The following TP53I13 variants were observed in gnomAD, a reference collection of about 807,000 sequenced individuals.
TP53I13 encodes tumor protein p53 inducible protein 13.
In TP53I13, 27 loss-of-function variants were observed where a neutral mutation model predicts 39.1. That is an observed-to-expected ratio of 0.69 (90% confidence interval 0.51 to 0.95). TP53I13 has a LOEUF of 0.95. Ranked by LOEUF, TP53I13 falls within the 40% of genes least tolerant of loss-of-function variation. The pLI, the probability that TP53I13 is intolerant of heterozygous loss-of-function variation, is 0.00. For missense variants in TP53I13, 544 were observed against 520.4 expected (o/e 1.05, Z -0.44); for synonymous variants, 230 against 224.6 (o/e 1.02, Z -0.22).
At chr17:29,580,057 A>G in the TP53I13 span, among the ~76,000 whole-genome samples, 1 of 151,478 alleles carries the variant, frequency 6.6e-6, no homozygotes, top group Non-Finnish European at 1.5e-5. Flanking sequence ...CAGCATTTCT[A>G]CCCTCCATGC....
chr17:29,566,652 G>C, upstream of TP53I13: 1 of 1,604,262 alleles, frequency 6.2e-7, no homozygotes, highest in Non-Finnish European at 8.5e-7. Context: ...GGGTCTGCAG[G>C]TGGGGCCCGG....
intron 3 of TP53I13, chr17:29,571,320 G>T: frequency 2.1e-6 from 1 of 469,490 alleles, no homozygotes; most frequent in Non-Finnish European, 3.9e-6. Flanking sequence ...AATATGGCTA[G>T]AGTGTGGTCT....
At chr17:29,574,859 T>A (rs375882746), downstream of TP53I13, 1 of 1,596,732 alleles carries the variant, frequency 6.3e-7, no homozygotes, top group African/African-American at 1.3e-5. Context: ...CTGCAGCCGG[T>A]AGGCGCTGGC....
chr17:29,580,578 CA>C, the TP53I13 span, among the ~76,000 whole-genome samples: 7 of 152,192 alleles, frequency 4.6e-5, no homozygotes, highest in Admixed American at 4.6e-4. Context: ...ACACCTCATT[CA>C]ACCAGCCTCA....
At position 29,572,670 on chromosome 17, in the gene TP53I13, A is replaced by C. The variant is rs767176794; in HGVS notation, c.1042A>C (p.Thr348Pro). ...RRGESIYWGPTADSQDTVAAV... is the reference protein window; with the variant it reads ...RRGESIYWGPPADSQDTVAAV... ...CGGGGAGAGCATCTACTGGGGGCCC[A>C]CAGCGGACAGCCAGGACACAGTGGC... Residue 348 changes from threonine to proline, a missense_variant, in exon 6 of 7, where the codon ACA (threonine) becomes CCA (proline). Transcript: ENST00000301057. The C allele has an allele frequency of 1.3e-6, 2 of 1,574,196 alleles. No homozygotes were observed. Among genetic ancestry groups the C allele is most frequent in the Admixed American group, 1.8e-5 (1 of 54,776 alleles).
Position 29,572,195 on chromosome 17 carries a change from G to A in TP53I13, c.567G>A (p.Val189=), listed in dbSNP as rs1598555189. Residue 189 remains valine (V), a synonymous_variant, in exon 6 of 7, where the codon GTG becomes GTA. Coordinates refer to ENST00000301057, the MANE Select transcript of TP53I13 (RefSeq NM_138349.4). ...LRSWRPPGTE[V]TSQGPRQPSS... ...GCTGGCGGCCCCCTGGCACAGAGGT[G>A]ACATCTCAAGGGCCCAGGCAGCCCT... is the stretch of plus-strand genomic sequence containing the variant. 1 of 1,611,268 alleles carries A rather than the reference G, an allele frequency of 6.2e-7. No homozygotes were observed. Among genetic ancestry groups the A allele is most frequent in the African/African-American group, 1.3e-5 (1 of 75,038 alleles).
At position 29,572,538 on chromosome 17, in the gene TP53I13, A is replaced by G; in HGVS notation, c.910A>G (p.Thr304Ala). ...GCCTCCACGGGCAGCCCGGGGCCCC[A>G]CCCCACGCACTGAAGAGGCCGCCTG... is the stretch of plus-strand genomic sequence containing the variant. ...AAPPRAARGPTPRTEEAAWAA... is the reference protein window; with the variant it reads ...AAPPRAARGPAPRTEEAAWAA... The change falls in exon 6 of 7, where the codon ACC becomes GCC. Residue 304 changes from threonine to alanine, a missense_variant. By Grantham distance (58) the Thr-to-Ala change is moderately conservative. Coordinates refer to ENST00000301057, the MANE Select transcript of TP53I13 (RefSeq NM_138349.4). The G allele has an allele frequency of 6.2e-7, 1 of 1,603,034 alleles. No homozygotes were observed. The highest frequency in any genetic ancestry group is 8.5e-7 in the Non-Finnish European group (1 of 1,176,114).
Position 29,572,427 on chromosome 17 carries a change from A to G in TP53I13, c.799A>G (p.Thr267Ala). 1 of 1,585,584 alleles carries G rather than the reference A, an allele frequency of 6.3e-7. No individual in the cohort carries two copies. The highest frequency in any genetic ancestry group is 1.1e-5 in the South Asian group (1 of 88,044). ...GAPGGNASSR[T>A]EAQVPNGQGS... The stretch of plus-strand genomic sequence containing the variant: ...GCCTGGAGGCAATGCCAGCTCCAGG[A>G]CAGAGGCTCAGGTGCCCAACGGGCA... The change falls in exon 6 of 7, where the codon ACA (threonine) becomes GCA (alanine). Residue 267 changes from threonine (T) to alanine (A), a missense_variant. Physicochemically the swap from Thr to Ala is moderately conservative, Grantham distance 58 (BLOSUM62 0). Transcript: ENST00000301057.
chr17:29,582,215 C>T, the TP53I13 span: 1 of 1,175,222 alleles, frequency 8.5e-7, no homozygotes, highest in Non-Finnish European at 1.2e-6. Context: ...AAGCTGCACC[C>T]TGGCTGCCCC....
chr17:29,572,520 C>G lies in TP53I13; in HGVS notation c.892C>G (p.Arg298Gly), dbSNP rs1457007645. Residue 298 changes from arginine (R) to glycine (G), a missense_variant, in exon 6 of 7, where the codon CGG (arginine) becomes GGG (glycine). Arg to Gly is a moderately radical substitution (Grantham distance 125). Coordinates refer to ENST00000301057, the MANE Select transcript of TP53I13 (RefSeq NM_138349.4). ...SPAPRAAAPP[R>G]AARGPTPRTE... ...GGCCCCTCGCGCAGCAGCGCCTCCA[C>G]GGGCAGCCCGGGGCCCCACCCCACG... is the stretch of plus-strand genomic sequence containing the variant. 1 of 1,605,454 alleles carries G rather than the reference C, an allele frequency of 6.2e-7. No homozygotes were observed.
chr17:29,578,678 G>C, the TP53I13 span: 1 of 1,461,882 alleles, frequency 6.8e-7, no homozygotes, highest in African/African-American at 1.4e-5. Flanking sequence ...AGAGGGTGGG[G>C]GATCAGAGAG....
downstream of TP53I13, chr17:29,574,988 G>C (rs1222948699): frequency 2.7e-6 from 4 of 1,483,776 alleles, no homozygotes; most frequent in African/African-American, 2.8e-5. Context: ...GTTTGTCTGT[G>C]TCTCCACCCA....
chr17:29,571,976 C>T lies in TP53I13; in HGVS notation c.432C>T (p.Ile144=). ...AGCAGAGGAAGAAGAAGGCATGGAT[C>T]TACTGTGAAAGCCTTTCAGGGCCTG... is the stretch of plus-strand genomic sequence containing the variant. ...RRKQRKKKAW[I]YCESLSGPAP... The change falls in exon 5 of 7, where the codon ATC becomes ATT. Residue 144 remains isoleucine, a synonymous_variant. Transcript: ENST00000301057. 1 of 1,613,166 alleles carries T rather than the reference C, an allele frequency of 6.2e-7. No individual in the cohort carries two copies. Among genetic ancestry groups the T allele is most frequent in the Non-Finnish European group, 8.5e-7 (1 of 1,180,008 alleles).
chr17:29,574,296 C>T, downstream of TP53I13: 1 of 237,070 alleles, frequency 4.2e-6, no homozygotes, highest in Non-Finnish European at 8.4e-6. Context: ...AGGGGATGCC[C>T]CCGCTCAGCC....
chr17:29,581,324 A>G, the TP53I13 span: 1 of 1,603,250 alleles, frequency 6.2e-7, no homozygotes. The surrounding 1 kb of genome is among the most constrained non-coding windows in gnomAD (Gnocchi z 4.8). Context: ...AAGGGGCATC[A>G]GGTGGGCACT....
chr17:29,578,928 C>T, the TP53I13 span: 17 of 1,611,208 alleles, frequency 1.1e-5, no homozygotes, highest in East Asian at 3.1e-4. Flanking sequence ...CCTACCCCAC[C>T]TTCAGGCCTG....
chr17:29,576,177 C>T, downstream of TP53I13: 1 of 1,608,334 alleles, frequency 6.2e-7, no homozygotes, highest in Non-Finnish European at 8.5e-7. Context: ...CCTGCGGCAG[C>T]CCCACCCATC....
chr17:29,568,808 C>T lies in TP53I13; in HGVS notation c.50C>T (p.Ala17Val). 1 of 1,599,018 alleles carries T rather than the reference C, an allele frequency of 6.3e-7. No homozygotes were observed. Among genetic ancestry groups the T allele is most frequent in the Non-Finnish European group, 8.5e-7 (1 of 1,179,388 alleles). The change falls in exon 1 of 7, where the codon GCG becomes GTG. Residue 17 changes from alanine to valine, a missense_variant. Ala to Val is a moderately conservative substitution (Grantham distance 64). Transcript: ENST00000301057. The surrounding 1 kb of genome is among the most constrained non-coding windows in gnomAD (Gnocchi z 4.5). ...SPQLLLLAAL[A>V]RLLGPSEVMA... The stretch of plus-strand genomic sequence containing the variant: ...CAACTGCTTCTCCTGGCAGCCCTCG[C>T]GAGGCTCCTGGGTCCCAGCGAGGTA...
downstream of TP53I13, chr17:29,575,141 A>C: frequency 6.3e-7 from 1 of 1,596,500 alleles, no homozygotes; most frequent in African/African-American, 1.3e-5. The surrounding 1 kb of genome is among the most constrained non-coding windows in gnomAD (Gnocchi z 5.5). Flanking sequence ...CAGGGCACGA[A>C]GCTGCGGGGA....
Sources: allele counts gnomAD v4.1 joint callset (sites outside exome capture counted in the v4.1 genomes callset), GRCh38; gene constraint gnomAD v4.1.1; non-coding constraint Gnocchi (gnomAD v3.1); transcripts MANE v1.5; gene names NCBI Gene and HGNC (gene_info 2026-07-23, HGNC 2026-07-21).